The following ZNF268 variants were observed in gnomAD, a reference collection of about 807,000 sequenced individuals.
ZNF268 encodes the protein zinc finger protein 3.
Under a neutral mutation model 29.3 loss-of-function variants are expected in ZNF268, and 20 were observed. The ratio of observed to expected loss-of-function variants is 0.68; its 90% CI spans 0.48 to 0.99. ZNF268 has a LOEUF of 0.99. ZNF268 is among the 50% of genes least tolerant of loss of function. The pLI is 0.00. For missense variants in ZNF268, 1,240 were observed against 1,121.6 expected, an observed-to-expected ratio of 1.11 and a Z score of -1.51; for synonymous variants, 429 against 376.9, an observed-to-expected ratio of 1.14 and a Z score of -1.60.
rs373803353 is a variant in ZNF268, at chr12:133,210,989, C to T, written c.*6459C>T. 4.4e-6 allele frequency: 2 copies of T among 455,870 alleles called. No homozygotes were observed. Among genetic ancestry groups the T allele is most frequent in the African/African-American group, 2.0e-5 (1 of 50,026 alleles). 28.2% of individuals were successfully genotyped at this position (455,870 alleles called of 1,614,324 possible). On this transcript the variant is annotated 3_prime_UTR_variant, in exon 6 of 6. Transcript: ENST00000536435. ...AGTGAACCCCTGAAATTCAATCTTA[C>T]GATTTTCCATGCCATAATTTTGGAA...
rs528586717 is a variant in ZNF268 at position 133,205,390 on chromosome 12, A to G, written c.*860A>G. The G allele has an allele frequency of 2.0e-4, 30 of 152,234 alleles. No homozygotes were observed. The allele number at this position is 152,234 out of a possible 1,614,324, so 9.4% of individuals were successfully genotyped here. A position where few individuals can be genotyped will look rare whatever the true frequency, so the allele number is the denominator to read the frequency against. ...CATCCCAGAGCCTACAGGGATATTTAGATATCTTCCTATGTGTACTACATA... is the reference window on the plus strand; with the variant it reads ...CATCCCAGAGCCTACAGGGATATTTGGATATCTTCCTATGTGTACTACATA... On this transcript the variant is annotated 3_prime_UTR_variant, in exon 6 of 6. Transcript: ENST00000536435.
chr12:133,196,216 G>A lies in ZNF268; in HGVS notation c.457+4213G>A, dbSNP rs540374377. ...GCATGCCTGTAATCCCAGCTACTCG[G>A]GAGGCTGAGGCAGGAGAATTGCTTG... On this transcript the variant is annotated intron_variant, in intron 5 of 5. Transcript: ENST00000536435. 6.9e-5 allele frequency among the ~76,000 whole-genome samples: 10 copies of A among 144,834 alleles called. No individual in the cohort carries two copies. In the South Asian group the frequency reaches 2.2e-3, roughly 32 times the overall value.
chr12:133,185,267 C>T (rs891863071), intron 2 of ZNF268, among the ~76,000 whole-genome samples: 2 of 151,776 alleles, frequency 1.3e-5, no homozygotes, highest in Non-Finnish European at 2.9e-5. Context: ...GAAGTGACGT[C>T]TAAGCTAAGT....
chr12:133,192,182 G>A (rs7973361), intron 5 of ZNF268, among the ~76,000 whole-genome samples, 179 bp downstream of exon 5: 51,915 of 148,914 alleles, frequency 0.35, 9,425 homozygotes, highest in African/African-American at 0.42. Flanking sequence ...ATCTCGGCTC[G>A]CTGCATCCTC....
intron 5 of ZNF268, among the ~76,000 whole-genome samples, chr12:133,198,275 C>T (rs1956663643): frequency 1.3e-5 from 2 of 150,636 alleles, no homozygotes; most frequent in African/African-American, 4.9e-5. Context: ...TTCCCAGCAC[C>T]ATTTATTAAA....
At position 133,202,304 on chromosome 12, in the gene ZNF268, T is replaced by C; in HGVS notation, c.618T>C (p.His206=). 6.8e-6 allele frequency: 11 copies of C among 1,612,566 alleles called. No individual in the cohort carries two copies. The highest frequency in any genetic ancestry group is 8.5e-6 in the Non-Finnish European group (10 of 1,179,232). Residue 206 remains histidine, a synonymous_variant, in exon 6 of 6, where the codon CAT becomes CAC. Coordinates refer to ENST00000536435, the MANE Select transcript of ZNF268 (RefSeq NM_003415.3). ...SRQKPHKCGT[H]GKSLKYIDFT... Reference sequence around the variant, plus strand: ...AAAAACCTCATAAATGTGGCACGCATGGAAAGAGTTTGAAATATATAGATT... The same window carrying C: ...AAAAACCTCATAAATGTGGCACGCACGGAAAGAGTTTGAAATATATAGATT...
At position 133,214,049 on chromosome 12, in the gene ZNF268, T is replaced by G. The variant is rs1470914640; in HGVS notation, c.*9519T>G. 6.6e-6 allele frequency: 1 copy of G among 151,024 alleles called. No individual in the cohort carries two copies. The highest frequency in any genetic ancestry group is 1.9e-4 in the East Asian group (1 of 5,166). 9.4% of individuals were successfully genotyped at this position (151,024 alleles called of 1,614,324 possible). ...TGTAAAATAATATACCTGATAAGGGTCTAGTATCCAGAACATATAAAGAAC... is the reference window on the plus strand; with the variant it reads ...TGTAAAATAATATACCTGATAAGGGGCTAGTATCCAGAACATATAAAGAAC... On this transcript the variant is annotated 3_prime_UTR_variant, in exon 6 of 6. Coordinates refer to ENST00000536435, the MANE Select transcript of ZNF268 (RefSeq NM_003415.3).
chr12:133,197,352 A>G (rs1956636986), intron 5 of ZNF268, among the ~76,000 whole-genome samples: 1 of 150,428 alleles, frequency 6.6e-6, no homozygotes, highest in Non-Finnish European at 1.5e-5. Context: ...CCATGTCCCT[A>G]CAAAGGACAT....
At chr12:133,197,064 T>C (rs1223141838) in intron 5 of ZNF268, among the ~76,000 whole-genome samples, 1 of 151,682 alleles carries the variant, frequency 6.6e-6, no homozygotes, top group African/African-American at 2.4e-5. Context: ...TACTTTAAGT[T>C]TTAGAGTACA....
rs1956945518 is a variant in ZNF268, at chr12:133,209,103, CCAGCT to C, written c.*4574_*4578del. 1 of 152,114 alleles carries C rather than the reference CCAGCT, an allele frequency of 6.6e-6. No individual in the cohort carries two copies. The highest frequency in any genetic ancestry group is 1.5e-5 in the Non-Finnish European group (1 of 68,068). The allele number at this position is 152,114 out of a possible 1,614,324, so 9.4% of individuals were successfully genotyped here. A position where few individuals can be genotyped will look rare whatever the true frequency, so the allele number is the denominator to read the frequency against. ...GAATTACAGGCACACGCCACCACGC[CCAGCT>C]AATTTTTGTGTTTTTAGTAGAGATG... On this transcript the variant is annotated 3_prime_UTR_variant, in exon 6 of 6. Transcript: ENST00000536435.
At chr12:133,185,646 CAG>C (rs756878055) in intron 2 of ZNF268, among the ~76,000 whole-genome samples, 2 of 152,256 alleles carry the variant, frequency 1.3e-5, no homozygotes, top group East Asian at 1.9e-4. Flanking sequence ...GGCGCTAAGA[CAG>C]GGAGCAACGT....
intron 5 of ZNF268, among the ~76,000 whole-genome samples, chr12:133,201,723 T>G (rs1237264205): frequency 6.6e-6 from 1 of 152,112 alleles, no homozygotes; most frequent in Non-Finnish European, 1.5e-5. Flanking sequence ...TCTCTAGAAG[T>G]TAGCATAGTG....
At position 133,202,525 on chromosome 12, in the gene ZNF268, G is replaced by A. The variant is rs769424497; in HGVS notation, c.839G>A (p.Cys280Tyr). The A allele has an allele frequency of 1.3e-5, 21 of 1,612,070 alleles. No individual in the cohort carries two copies. The highest frequency in any genetic ancestry group is 1.7e-5 in the Non-Finnish European group (20 of 1,179,088). The change falls in exon 6 of 6, where the codon TGT becomes TAT. Residue 280 changes from cysteine to tyrosine, a missense_variant. Physicochemically the swap from Cys to Tyr is radical, Grantham distance 194. Coordinates refer to ENST00000536435, the MANE Select transcript of ZNF268 (RefSeq NM_003415.3). ...GGCGAAAAACCCTTTGGATGCAGCT[G>A]TTGTGAGAAAGCCTTCAGCAGCAAG... ...YMGEKPFGCS[C>Y]CEKAFSSKSY... is the part of the protein sequence containing the mutation.
Position 133,202,516 on chromosome 12 carries a change from G to C in ZNF268, c.830G>C (p.Gly277Ala). 2 of 1,612,320 alleles carry C rather than the reference G, an allele frequency of 1.2e-6. No individual in the cohort carries two copies. The highest frequency in any genetic ancestry group is 1.7e-6 in the Non-Finnish European group (2 of 1,179,182). ...QQMYMGEKPF[G>A]CSCCEKAFSS... is the part of the protein sequence containing the mutation. ...ATGTATATGGGCGAAAAACCCTTTG[G>C]ATGCAGCTGTTGTGAGAAAGCCTTC... The change falls in exon 6 of 6, where the codon GGA becomes GCA. Residue 277 changes from glycine (G) to alanine (A), a missense_variant. Coordinates refer to ENST00000536435, the MANE Select transcript of ZNF268 (RefSeq NM_003415.3).
rs991894677 is a variant in ZNF268 at position 133,210,724 on chromosome 12, C to T, written c.*6194C>T. On this transcript the variant is annotated 3_prime_UTR_variant, in exon 6 of 6. Coordinates refer to ENST00000536435, the MANE Select transcript of ZNF268 (RefSeq NM_003415.3). ...CCCTGCCAAGGGTCCCCAGGTCAGTCCTGAGGAGAAGGCAGCTCAGTCTTT... is the reference window on the plus strand; with the variant it reads ...CCCTGCCAAGGGTCCCCAGGTCAGTTCTGAGGAGAAGGCAGCTCAGTCTTT... 10 of 425,322 alleles carry T rather than the reference C, an allele frequency of 2.4e-5. No homozygotes were observed. The highest frequency in any genetic ancestry group is 4.3e-5 in the Non-Finnish European group (9 of 208,280). The allele number at this position is 425,322 out of a possible 1,614,324, so 26.3% of individuals were successfully genotyped here.
intron 5 of ZNF268, among the ~76,000 whole-genome samples, chr12:133,195,865 G>A (rs750444084): frequency 4.6e-5 from 7 of 151,752 alleles, no homozygotes; most frequent in Middle Eastern, 3.4e-3. Flanking sequence ...TTACAGGTAC[G>A]CGCTACCACA....
Position 133,203,757 on chromosome 12 carries a change from A to G in ZNF268, c.2071A>G (p.Thr691Ala), listed in dbSNP as rs1327216847. The change falls in exon 6 of 6, where the codon ACA becomes GCA. Residue 691 changes from threonine (T) to alanine (A), a missense_variant. Physicochemically the swap from Thr to Ala is moderately conservative, Grantham distance 58 (BLOSUM62 0). Around this residue, in one of 3 missense-constraint regions of ZNF268, gnomAD observed 1,177 missense variants for 1,039.6 expected, o/e 1.13. Coordinates refer to ENST00000536435, the MANE Select transcript of ZNF268 (RefSeq NM_003415.3). ...GCTCATTGTACATCAGAGAAGTCAC[A>G]CAGGAGTAAAACCATATGGATGCAG... ...SQLIVHQRSH[T>A]GVKPYGCSEC... is the part of the protein sequence containing the mutation. The G allele has an allele frequency of 1.3e-6, 2 of 1,561,536 alleles. No homozygotes were observed. The highest frequency in any genetic ancestry group is 1.9e-5 in the Admixed American group (1 of 53,270).
Position 133,204,374 on chromosome 12 carries a change from ATG to A in ZNF268, c.2691_2692del (p.Cys897TrpfsTer24). 2 of 1,571,946 alleles carry A rather than the reference ATG, an allele frequency of 1.3e-6. No individual in the cohort carries two copies. Among genetic ancestry groups the A allele is most frequent in the South Asian group, 1.2e-5 (1 of 86,740 alleles). On this transcript the variant is annotated frameshift_variant, in exon 6 of 6. Transcript: ENST00000536435. LOFTEE classifies it high-confidence loss of function. ...SGEKPYGCNE[C>X]GKTFSQKSIL... ...GAGAGAAACCCTATGGGTGCAATGA[ATG>A]TGGGAAAACCTTCTCTCAAAAATCA...
chr12:133,189,129 A>G (rs1329191480), intron 3 of ZNF268, among the ~76,000 whole-genome samples: 2 of 152,036 alleles, frequency 1.3e-5, no homozygotes, highest in Non-Finnish European at 2.9e-5. Context: ...TTGAGCATAC[A>G]GATCCTACAC....
Sources: allele counts gnomAD v4.1 joint callset (sites outside exome capture counted in the v4.1 genomes callset), GRCh38; gene constraint gnomAD v4.1.1; regional missense constraint gnomAD v4.1.1; transcripts MANE v1.5; gene names NCBI Gene and HGNC (gene_info 2026-07-23, HGNC 2026-07-21).